The following RHOBTB3 variants were observed in gnomAD, a reference collection of about 807,000 sequenced individuals.
RHOBTB3 encodes the protein Rho related BTB domain containing 3.
In RHOBTB3, 47 loss-of-function variants were observed where a neutral mutation model predicts 67.2. That is an observed-to-expected ratio of 0.70 (90% confidence interval 0.55 to 0.89). RHOBTB3 has a LOEUF of 0.89. RHOBTB3 is among the 40% of genes least tolerant of loss of function. RHOBTB3 has a pLI of 0.00. For synonymous variants in RHOBTB3, 273 were observed against 274.2 expected, an observed-to-expected ratio of 1.00 and a Z score of 0.04; for missense variants, 631 against 750.0, an observed-to-expected ratio of 0.84 and a Z score of 1.85.
At chr5:95,742,518 T>C (rs1443687067) in intron 3 of RHOBTB3, among the ~76,000 whole-genome samples, 1 of 152,244 alleles carries the variant, frequency 6.6e-6, no homozygotes, top group Non-Finnish European at 1.5e-5. Context: ...TTGGGACTTT[T>C]GTTAGACTGA....
At chr5:95,764,775 A>G (rs911122662) in intron 7 of RHOBTB3, among the ~76,000 whole-genome samples, 2 of 152,228 alleles carry the variant, frequency 1.3e-5, no homozygotes, top group Non-Finnish European at 2.9e-5. Flanking sequence ...TACAAAAATG[A>G]AACTGTACTA....
intron 10 of RHOBTB3, among the ~76,000 whole-genome samples, chr5:95,786,218 C>T (rs1466758711): frequency 1.3e-5 from 2 of 152,230 alleles, no homozygotes; most frequent in African/African-American, 2.4e-5. Context: ...CTTCACCAGT[C>T]AGTTCACCCT....
At chr5:95,747,461 A>G (rs1476970624) in intron 3 of RHOBTB3, among the ~76,000 whole-genome samples, 2 of 152,178 alleles carry the variant, frequency 1.3e-5, no homozygotes, top group African/African-American at 2.4e-5. Context: ...CTAGAAATGA[A>G]TTTACCCTCT....
At position 95,760,609 on chromosome 5, in the gene RHOBTB3, T is replaced by G. The variant is rs1457320760; in HGVS notation, c.1049-2899T>G. Among the ~76,000 whole-genome samples, 5 of 152,244 alleles carry G rather than the reference T, an allele frequency of 3.3e-5. No individual in the cohort carries two copies. The East Asian group carries it at 9.6e-4, about 29-fold the overall frequency. On this transcript the variant is annotated intron_variant, in intron 6 of 11. Transcript: ENST00000379982. ...GCATAAAAACACAGCCTAGTATACA[T>G]GAGTATACCATGCGCTCTAAAAGTC... is the stretch of plus-strand genomic sequence containing the variant.
intron 9 of RHOBTB3, chr5:95,783,448 G>C (rs1466631715): frequency 1.3e-5 from 2 of 154,792 alleles, no homozygotes; most frequent in Non-Finnish European, 2.8e-5. Context: ...ATAATAGGCC[G>C]GGTGTGATGG....
chr5:95,786,939 C>CT (rs1258859225), intron 10 of RHOBTB3, among the ~76,000 whole-genome samples: 2 of 152,238 alleles, frequency 1.3e-5, no homozygotes, highest in Non-Finnish European at 2.9e-5. Context: ...TTAGCTAGAA[C>CT]TGCTCTGTTG....
intron 4 of RHOBTB3, among the ~76,000 whole-genome samples, chr5:95,748,978 A>C (rs1348804941): frequency 6.6e-6 from 1 of 152,224 alleles, no homozygotes; most frequent in Non-Finnish European, 1.5e-5. Flanking sequence ...TTATATAAAT[A>C]GCTGCTTGTT....
intron 2 of RHOBTB3, among the ~76,000 whole-genome samples, chr5:95,734,896 G>C (rs575918079): frequency 3.9e-5 from 6 of 151,946 alleles, no homozygotes; most frequent in African/African-American, 9.7e-5. Context: ...CCCCTTCCCC[G>C]GATACCTCTC....
chr5:95,768,146 ATGT>A lies in RHOBTB3; in HGVS notation c.1266_1268del (p.Val423del). 1.2e-6 allele frequency: 2 copies of A among 1,612,656 alleles called. No homozygotes were observed. The highest frequency in any genetic ancestry group is 1.7e-6 in the Non-Finnish European group (2 of 1,179,532). ...TTCCTTAATAAGCCGATGCTTGCCGATGTTGTCTTCGAAATTCAAGGTACGGAT... is the reference window on the plus strand; with the variant it reads ...TTCCTTAATAAGCCGATGCTTGCCGATGTCTTCGAAATTCAAGGTACGGAT... On this transcript the variant is annotated inframe_deletion, in exon 8 of 12. Coordinates refer to ENST00000379982, the MANE Select transcript of RHOBTB3 (RefSeq NM_014899.4).
intron 7 of RHOBTB3, 155 bp from the exon 8 acceptor site, chr5:95,767,891 G>C (rs530478326): frequency 1.3e-6 from 1 of 770,174 alleles, no homozygotes; most frequent in South Asian, 1.4e-5. Context: ...GTTCTTAAAG[G>C]TAAGTTCCTT....
upstream of RHOBTB3, among the ~76,000 whole-genome samples, chr5:95,729,531 C>T (rs180856024): frequency 3.2e-3 from 487 of 152,248 alleles, 5 homozygotes; most frequent in Non-Finnish European, 4.1e-3. Flanking sequence ...GTTCAGTACA[C>T]GCTCTAGTGT....
intron 8 of RHOBTB3, among the ~76,000 whole-genome samples, chr5:95,779,391 C>A (rs1345131810): frequency 6.6e-6 from 1 of 152,106 alleles, no homozygotes; most frequent in East Asian, 1.9e-4. Context: ...TTGAAGTGAT[C>A]CAGGCTGAAC....
Position 95,731,992 on chromosome 5 carries a change from G to A in RHOBTB3, c.136G>A (p.Ala46Thr). The A allele has an allele frequency of 1.2e-6, 2 of 1,614,182 alleles. No individual in the cohort carries two copies. The highest frequency in any genetic ancestry group is 1.7e-6 in the Non-Finnish European group (2 of 1,180,036). Residue 46 changes from alanine to threonine, a missense_variant, in exon 2 of 12, where the codon GCG (alanine) becomes ACG (threonine). Coordinates refer to ENST00000379982, the MANE Select transcript of RHOBTB3 (RefSeq NM_014899.4). ...GGACGAGAGCAGCTTGTTGCTGAAC[G>A]CGGCCAGCACGGTCGCGCGTCCGGT... ...SGDESSLLLN[A>T]ASTVARPVFT... is the part of the protein sequence containing the mutation.
chr5:95,754,161 T>A (rs1745176067), intron 5 of RHOBTB3, among the ~76,000 whole-genome samples: 2 of 152,132 alleles, frequency 1.3e-5, no homozygotes, highest in South Asian at 2.1e-4. Context: ...CTAAGTGATA[T>A]AGTGGACAGG....
At chr5:95,791,561 C>T (rs1407772682) in intron 11 of RHOBTB3, among the ~76,000 whole-genome samples, 2 of 152,156 alleles carry the variant, frequency 1.3e-5, no homozygotes, top group African/African-American at 4.8e-5. Flanking sequence ...TTGTATGGTC[C>T]TGCAGGCTGA....
At chr5:95,722,018 A>G (rs543600387) in intron 1 of RHOBTB3, among the ~76,000 whole-genome samples, 19 of 152,350 alleles carry the variant, frequency 1.2e-4, no homozygotes, top group African/African-American at 4.3e-4. Flanking sequence ...GTGAAAAGTT[A>G]TAAACAAGTT....
At chr5:95,752,692 AC>A (rs1325042557) in intron 5 of RHOBTB3, among the ~76,000 whole-genome samples, 1 of 152,232 alleles carries the variant, frequency 6.6e-6, no homozygotes, top group Non-Finnish European at 1.5e-5. Flanking sequence ...TTCAATAAAA[AC>A]ATCTAAAAGA....
intron 6 of RHOBTB3, among the ~76,000 whole-genome samples, chr5:95,756,945 A>G (rs1745263068): frequency 3.3e-5 from 5 of 152,226 alleles, no homozygotes; most frequent in Admixed American, 3.3e-4. Context: ...AAATGAAATC[A>G]AGTGTCTACA....
intron 6 of RHOBTB3, among the ~76,000 whole-genome samples, chr5:95,760,606 A>G (rs1745368517): frequency 6.6e-6 from 1 of 152,244 alleles, no homozygotes; most frequent in South Asian, 2.1e-4. Context: ...AGCCTAGTAT[A>G]CATGAGTATA....
Sources: gnomAD v4.1 joint callset for allele counts (sites outside exome capture counted in the v4.1 genomes callset) on GRCh38, gnomAD v4.1.1 for gene constraint, MANE v1.5 for transcripts, NCBI Gene and HGNC (gene_info 2026-07-23, HGNC 2026-07-21) for gene names.